RCOR2: variants seen among roughly 807,000 people sequenced by gnomAD.
The protein encoded by RCOR2 is REST corepressor 2.
Under a neutral mutation model 58.9 loss-of-function variants are expected in RCOR2, and 19 were observed. The ratio of observed to expected loss-of-function variants is 0.32; its 90% CI spans 0.23 to 0.47. RCOR2 has a LOEUF of 0.47. Ranked by LOEUF, RCOR2 falls within the 20% of genes least tolerant of loss-of-function variation. RCOR2 has a pLI of 1.00. For missense variants in RCOR2, 590 were observed against 707.9 expected, an observed-to-expected ratio of 0.83 and a Z score of 1.89; for synonymous variants, 286 against 278.7, an observed-to-expected ratio of 1.03 and a Z score of -0.26.
chr11:63,912,890 C>G lies in RCOR2; in HGVS notation c.949G>C (p.Asp317His). The change falls in exon 9 of 12, where the codon GAT (aspartate) becomes CAT (histidine). Residue 317 changes from aspartate to histidine, a missense_variant. Transcript: ENST00000301459. ...CATACCTCCGGGGGGCGTAGTGGAT[C>G]AATACCGCCCTCCAGGGCTTGGCGC... Reference protein sequence around the residue: ...SLRQALEGGIDPLRPPEANTK... With the variant: ...SLRQALEGGIHPLRPPEANTK... 6.2e-7 allele frequency: 1 copy of G among 1,613,808 alleles called. No individual in the cohort carries two copies. Among genetic ancestry groups the G allele is most frequent in the Non-Finnish European group, 8.5e-7 (1 of 1,179,930 alleles).
Position 63,911,645 on chromosome 11 carries a change from A to G in RCOR2, c.*220T>C. ...CAGGAAGCGAAAGTGCCCTCAGGCC[A>G]GCTCAAAGGCCCCTGAGCCCGGCCA... is the stretch of plus-strand genomic sequence containing the variant. On this transcript the variant is annotated 3_prime_UTR_variant, in exon 12 of 12. Transcript: ENST00000301459. The G allele has an allele frequency of 1.6e-6, 1 of 631,726 alleles. No homozygotes were observed. The highest frequency in any genetic ancestry group is 2.4e-6 in the Non-Finnish European group (1 of 413,630). The allele number at this position is 631,726 out of a possible 1,614,324, so 39.1% of individuals were successfully genotyped here.
chr11:63,912,594 C>A (rs1941786541), intron 10 of RCOR2, 60 bp from the exon 11 acceptor site: 2 of 1,590,874 alleles, frequency 1.3e-6, no homozygotes, highest in Admixed American at 1.7e-5. Flanking sequence ...CTTCCCTGAC[C>A]CTTCCCCTCT....
chr11:63,915,702 CT>C (rs1941847378), intron 1 of RCOR2, 91 bp from the exon 2 acceptor site: 2 of 1,201,334 alleles, frequency 1.7e-6, no homozygotes, highest in Non-Finnish European at 2.4e-6. Flanking sequence ...GCCTGGAGTT[CT>C]CCTTCCTGAC....
chr11:63,912,196 G>C lies in RCOR2; in HGVS notation c.1258-17C>G, dbSNP rs1296783717. 12 of 1,579,922 alleles carry C rather than the reference G, an allele frequency of 7.6e-6. 1 individual carries two copies. The South Asian group carries it at 1.3e-4, about 16-fold the overall frequency. On this transcript the variant is annotated splice_polypyrimidine_tract_variant and intron_variant, in intron 11 of 11. Transcript: ENST00000301459. ...AATCTGGACCTGAGGGGAGAGGAAAGAGTGAGAAGCCAGGCTCTTCCCGCC... is the reference window on the plus strand; with the variant it reads ...AATCTGGACCTGAGGGGAGAGGAAACAGTGAGAAGCCAGGCTCTTCCCGCC...
chr11:63,915,508 C>G, intron 2 of RCOR2, 47 bp downstream of exon 2: 1 of 1,539,096 alleles, frequency 6.5e-7, no homozygotes, highest in African/African-American at 1.4e-5. Flanking sequence ...AGGCCAAGCC[C>G]CGGGCCTCCA....
chr11:63,916,498 G>A lies in RCOR2; in HGVS notation c.-42C>T. 1.3e-6 allele frequency: 2 copies of A among 1,581,972 alleles called. No individual in the cohort carries two copies. Among genetic ancestry groups the A allele is most frequent in the Non-Finnish European group, 1.7e-6 (2 of 1,166,470 alleles). On this transcript the variant is annotated 5_prime_UTR_variant, in exon 1 of 12. Coordinates refer to ENST00000301459, the MANE Select transcript of RCOR2 (RefSeq NM_173587.4). ...CCCGGGGGGCGCAGGAGCCTTCGGA[G>A]AGCGACAGTGGTTGCCGCACTCGCT...
At position 63,911,986 on chromosome 11, in the gene RCOR2, T is replaced by C. The variant is rs1187792830; in HGVS notation, c.1451A>G (p.Gln484Arg). The change falls in exon 12 of 12, where the codon CAG becomes CGG. Residue 484 changes from glutamine (Q) to arginine (R), a missense_variant. Gln to Arg is a conservative substitution (Grantham distance 43, BLOSUM62 1). This residue lies in a region of RCOR2 where 196 missense variants were observed against 210.7 expected (regional missense o/e 0.93). Coordinates refer to ENST00000301459, the MANE Select transcript of RCOR2 (RefSeq NM_173587.4). ...RFLQPRLAPN[Q>R]PPPPLIRPAL... ...GGGGCGGATGAGAGGCGGTGGGGGCTGGTTGGGGGCCAGCCGGGGCTGGAG... is the reference window on the plus strand; with the variant it reads ...GGGGCGGATGAGAGGCGGTGGGGGCCGGTTGGGGGCCAGCCGGGGCTGGAG... 2 of 1,149,394 alleles carry C rather than the reference T, an allele frequency of 1.7e-6. No individual in the cohort carries two copies. Among genetic ancestry groups the C allele is most frequent in the Admixed American group, 3.7e-5 (1 of 26,880 alleles). The allele number at this position is 1,149,394 out of a possible 1,614,324, so 71.2% of individuals were successfully genotyped here. A position where few individuals can be genotyped will look rare whatever the true frequency, so the allele number is the denominator to read the frequency against.
chr11:63,915,378 G>A, intron 2 of RCOR2, 120 bp from the exon 3 acceptor site: 2 of 1,115,858 alleles, frequency 1.8e-6, no homozygotes, highest in East Asian at 2.6e-5. Context: ...AGAAGGGAAG[G>A]AGGGGCAGAG....
chr11:63,920,308 G>A (rs537195850), upstream of RCOR2, among the ~76,000 whole-genome samples: 3 of 152,382 alleles, frequency 2.0e-5, no homozygotes, highest in East Asian at 5.8e-4. Flanking sequence ...GACAAAGGTT[G>A]AACAGGGATG....
upstream of RCOR2, among the ~76,000 whole-genome samples, chr11:63,919,496 C>CCCACCTTTCCCTGGCT (rs1941901994): frequency 2.0e-5 from 3 of 152,168 alleles, no homozygotes; most frequent in Admixed American, 6.5e-5. Context: ...CCAGATCCCA[C>CCCACCTTTCCCTGGCT]CCACCTTTCC....
Position 63,912,981 on chromosome 11 carries a change from T to C in RCOR2, c.892-34A>G, listed in dbSNP as rs1316798107. The C allele has an allele frequency of 1.3e-5, 20 of 1,589,084 alleles. 2 individuals carry two copies. In the South Asian group the frequency reaches 2.2e-4, roughly 18 times the overall value. Reference sequence around the variant, plus strand: ...GCCAGGAAGTGGAGGAATATCAGACTCCCATCTCAGGCAGGCCACTATGCC... The same window carrying C: ...GCCAGGAAGTGGAGGAATATCAGACCCCCATCTCAGGCAGGCCACTATGCC... On this transcript the variant is annotated intron_variant, in intron 8 of 11. Transcript: ENST00000301459.
At chr11:63,920,023 G>A (rs1037238114), upstream of RCOR2, among the ~76,000 whole-genome samples, 1 of 152,224 alleles carries the variant, frequency 6.6e-6, no homozygotes, top group African/African-American at 2.4e-5. Context: ...GCCCTAGCCA[G>A]GCCGAGTCCC....
At chr11:63,913,017 C>T in intron 8 of RCOR2, 70 bp from the exon 9 acceptor site, 1 of 1,330,354 alleles carries the variant, frequency 7.5e-7, no homozygotes, top group Non-Finnish European at 1.1e-6. Context: ...CCTCACAGGA[C>T]CCTACTTCTG....
chr11:63,922,393 C>A, the RCOR2 span, among the ~76,000 whole-genome samples: 1 of 152,186 alleles, frequency 6.6e-6, no homozygotes, highest in South Asian at 2.1e-4. Flanking sequence ...TGCTCTGTTG[C>A]CCAGGCTGAA....
chr11:63,912,087 G>A lies in RCOR2; in HGVS notation c.1350C>T (p.Pro450=), dbSNP rs1253256672. 3.3e-6 allele frequency: 5 copies of A among 1,505,170 alleles called. No homozygotes were observed. Among genetic ancestry groups the A allele is most frequent in the South Asian group, 1.3e-5 (1 of 79,454 alleles). The allele number at this position is 1,505,170 out of a possible 1,614,324, so 93.2% of individuals were successfully genotyped here. ...TGGGCAAAGGTGGCCTCAGCAGCGG[G>A]GGTGGCTGGGACAGCGAGGTGGGAG... The part of the protein sequence containing the change: ...PPPPTSLSQP[P]PLLRPPLPTA... Residue 450 remains proline (P), a synonymous_variant, in exon 12 of 12, where the codon CCC becomes CCT. Coordinates refer to ENST00000301459, the MANE Select transcript of RCOR2 (RefSeq NM_173587.4).
In RCOR2 at chr11:63,911,897, T is replaced by A. The variant is rs320108; in HGVS notation, c.1540A>T (p.Thr514Ser). ...GAGGGTGCTGGGGGCTCCAGAGGGG[T>A]TCCAATCAGGGTGGGTGGGGGCTGA... Reference protein sequence around the residue: ...GPQPPPTLIGTPLEPPAPSL With the variant: ...GPQPPPTLIGSPLEPPAPSL Residue 514 changes from threonine (T) to serine (S), a missense_variant, in exon 12 of 12, where the codon ACC becomes TCC. By Grantham distance (58) the Thr-to-Ser change is moderately conservative (BLOSUM62 1). Around this residue, in one of 3 missense-constraint regions of RCOR2, gnomAD observed 196 missense variants for 210.7 expected, o/e 0.93. Coordinates refer to ENST00000301459, the MANE Select transcript of RCOR2 (RefSeq NM_173587.4). 1 of 1,137,884 alleles carries A rather than the reference T, an allele frequency of 8.8e-7. No individual in the cohort carries two copies. Among genetic ancestry groups the A allele is most frequent in the Non-Finnish European group, 1.2e-6 (1 of 825,004 alleles). The allele number at this position is 1,137,884 out of a possible 1,614,324, so 70.5% of individuals were successfully genotyped here.
At position 63,915,332 on chromosome 11, in the gene RCOR2, G is replaced by C. The variant is rs1050202949; in HGVS notation, c.185-74C>G. On this transcript the variant is annotated intron_variant, in intron 2 of 11. Coordinates refer to ENST00000301459, the MANE Select transcript of RCOR2 (RefSeq NM_173587.4). ...CACAAGCCTAGACCCATGGCCAGAG[G>C]GCAGCAGAGGAGTGGAGCCAGGGAG... is the stretch of plus-strand genomic sequence containing the variant. The C allele has an allele frequency of 3.6e-6, 5 of 1,369,910 alleles. No individual in the cohort carries two copies. The African/African-American group carries it at 7.2e-5, about 20-fold the overall frequency. 84.9% of individuals were successfully genotyped at this position (1,369,910 alleles called of 1,614,324 possible).
chr11:63,920,079 A>G (rs1941905409), upstream of RCOR2, among the ~76,000 whole-genome samples: 1 of 152,224 alleles, frequency 6.6e-6, no homozygotes, highest in African/African-American at 2.4e-5. Context: ...ACAAGTCTAT[A>G]TGATGCCTGT....
rs751062566 is a variant in RCOR2 at position 63,911,286 on chromosome 11, A to C, written c.*579T>G. ...TGTTGAAAAATAAATCCATGTCTGCATAAGTTCCCAACCCCCATTTCTCCA... is the reference window on the plus strand; with the variant it reads ...TGTTGAAAAATAAATCCATGTCTGCCTAAGTTCCCAACCCCCATTTCTCCA... On this transcript the variant is annotated 3_prime_UTR_variant, in exon 12 of 12. Coordinates refer to ENST00000301459, the MANE Select transcript of RCOR2 (RefSeq NM_173587.4). The C allele has an allele frequency of 6.6e-6, 1 of 152,210 alleles. No individual in the cohort carries two copies. Among genetic ancestry groups the C allele is most frequent in the African/African-American group, 2.4e-5 (1 of 41,428 alleles). The allele number at this position is 152,210 out of a possible 1,614,324, so 9.4% of individuals were successfully genotyped here. A position where few individuals can be genotyped will look rare whatever the true frequency, so the allele number is the denominator to read the frequency against.
Sources: allele counts gnomAD v4.1 joint callset (sites outside exome capture counted in the v4.1 genomes callset), GRCh38; gene constraint gnomAD v4.1.1; regional missense constraint gnomAD v4.1.1; transcripts MANE v1.5; gene names NCBI Gene and HGNC (gene_info 2026-07-23, HGNC 2026-07-21).